CEP112: variants seen among roughly 807,000 people sequenced by gnomAD.
CEP112 encodes centrosomal protein of 112 kDa.
Under a neutral mutation model 153.0 loss-of-function variants are expected in CEP112, and 127 were observed. The ratio of observed to expected loss-of-function variants is 0.83; its 90% CI spans 0.72 to 0.96. The LOEUF (loss-of-function observed/expected upper bound fraction) is 0.96, where lower values mean the gene tolerates loss of function less well. Among genes scored for constraint, CEP112 ranks in the 40% least tolerant of loss-of-function variants. The pLI is 0.00. For synonymous variants in CEP112, 358 were observed against 374.4 expected (o/e 0.96, Z 0.51); for missense variants, 1,089 against 1,101.2 (o/e 0.99, Z 0.16).
intron 24 of CEP112, among the ~76,000 whole-genome samples, chr17:65,682,262 G>C (rs1300014825): frequency 6.6e-6 from 1 of 152,092 alleles, no homozygotes; most frequent in Non-Finnish European, 1.5e-5. Context: ...AAAGTGTTGG[G>C]ATTACAGGCA....
At chr17:66,163,010 A>T (rs2071778920) in intron 4 of CEP112, among the ~76,000 whole-genome samples, 1 of 152,178 alleles carries the variant, frequency 6.6e-6, no homozygotes, top group African/African-American at 2.4e-5. Context: ...AAAATAATAT[A>T]TACAGTATGA....
chr17:65,663,440 T>G (rs558227201), intron 24 of CEP112, among the ~76,000 whole-genome samples: 154 of 152,304 alleles, frequency 1.0e-3, no homozygotes, highest in Non-Finnish European at 1.4e-3. Flanking sequence ...CAACTTAGTT[T>G]GTGGATCACA....
At chr17:66,089,099 C>T (rs1013261818) in intron 8 of CEP112, among the ~76,000 whole-genome samples, 1 of 152,186 alleles carries the variant, frequency 6.6e-6, no homozygotes, top group Non-Finnish European at 1.5e-5. Context: ...ACCAGGCCCA[C>T]CCACTTTCTG....
rs530165496 is a variant in CEP112, at chr17:65,653,800, C to T, written c.2698-12735G>A. Among the ~76,000 whole-genome samples the T allele has an allele frequency of 3.1e-4, 47 of 152,104 alleles. No individual in the cohort carries two copies. The South Asian group carries it at 8.7e-3, about 28-fold the overall frequency. On this transcript the variant is annotated intron_variant, in intron 24 of 26. Transcript: ENST00000535342. ...ATGAGGGCTGGGCACGTGGCTCATG[C>T]CTGTAATCCCAGCACTTTGGGAGCC...
At chr17:65,791,164 G>A (rs1380095851) in intron 21 of CEP112, among the ~76,000 whole-genome samples, 6 of 152,214 alleles carry the variant, frequency 3.9e-5, no homozygotes, top group Non-Finnish European at 7.4e-5. Flanking sequence ...TCAATAAAAG[G>A]ATGACAGTAG....
At chr17:65,926,512 A>T (rs1263124236) in intron 19 of CEP112, among the ~76,000 whole-genome samples, 1 of 152,128 alleles carries the variant, frequency 6.6e-6, no homozygotes, top group African/African-American at 2.4e-5. Context: ...CAGGAGTTCA[A>T]AACCAGCCTG....
chr17:66,134,364 T>C (rs2070341652), intron 4 of CEP112, among the ~76,000 whole-genome samples: 1 of 152,152 alleles, frequency 6.6e-6, no homozygotes. Context: ...CTCTAACTTG[T>C]CATATATTTT....
chr17:65,791,093 T>C (rs1426967268), intron 21 of CEP112, among the ~76,000 whole-genome samples: 1 of 152,140 alleles, frequency 6.6e-6, no homozygotes, highest in East Asian at 1.9e-4. Context: ...TTAAGTCTAA[T>C]GTCAGACTGA....
chr17:65,792,661 C>A (rs2054658434), intron 21 of CEP112, among the ~76,000 whole-genome samples: 1 of 151,880 alleles, frequency 6.6e-6, no homozygotes, highest in African/African-American at 2.4e-5. Context: ...GTATAGAGAA[C>A]CATCAGAATT....
chr17:66,076,192 G>A (rs1294421307), intron 8 of CEP112, among the ~76,000 whole-genome samples: 3 of 152,082 alleles, frequency 2.0e-5, no homozygotes, highest in South Asian at 2.1e-4. Context: ...TGAACTGGGC[G>A]AGAAGGCTCT....
At position 66,034,895 on chromosome 17, in the gene CEP112, C is replaced by T. The variant is rs1369905833; in HGVS notation, c.1219-4872G>A. 2.0e-5 allele frequency among the ~76,000 whole-genome samples: 3 copies of T among 149,702 alleles called. 1 individual carries two copies. The South Asian group carries it at 6.4e-4, about 32-fold the overall frequency. The stretch of plus-strand genomic sequence containing the variant: ...CAATCTCGACTCACCGCAACCCCTG[C>T]CTCCCAAGTCCTAATGCTTCAGTCT... On this transcript the variant is annotated intron_variant, in intron 12 of 26. Transcript: ENST00000535342.
chr17:65,707,628 T>TA (rs1349144660), intron 23 of CEP112, among the ~76,000 whole-genome samples: 1 of 152,212 alleles, frequency 6.6e-6, no homozygotes, highest in Non-Finnish European at 1.5e-5. Flanking sequence ...CTCTGAACCT[T>TA]ACAAATTCAT....
intron 10 of CEP112, among the ~76,000 whole-genome samples, chr17:66,063,568 G>T (rs145373248): frequency 6.6e-6 from 1 of 152,066 alleles, no homozygotes; most frequent in East Asian, 1.9e-4. Context: ...TGGGTGATGG[G>T]TACACCAAAG....
At chr17:65,768,433 T>C (rs1483090017) in intron 21 of CEP112, among the ~76,000 whole-genome samples, 4 of 152,018 alleles carry the variant, frequency 2.6e-5, no homozygotes, top group Non-Finnish European at 5.9e-5. Context: ...CCTGTGTCGT[T>C]CAAGGGTCAA....
chr17:66,002,214 A>C (rs36086365), intron 17 of CEP112, among the ~76,000 whole-genome samples: 62,027 of 151,570 alleles, frequency 0.41, 14,079 homozygotes, highest in East Asian at 0.87. Context: ...TGGAGAGAGT[A>C]TAAATATCAA....
intron 24 of CEP112, among the ~76,000 whole-genome samples, chr17:65,667,558 T>TACAC (rs71361241): frequency 0.072 from 10,806 of 149,200 alleles, 792 homozygotes; most frequent in East Asian, 0.33. Context: ...TTTGTACTCT[T>TACAC]ACACACACAC....
At chr17:65,835,194 A>AG (rs2057253930) in intron 21 of CEP112, among the ~76,000 whole-genome samples, 1 of 12,978 alleles carries the variant, frequency 7.7e-5, no homozygotes, top group African/African-American at 1.7e-4. Flanking sequence ...AAATAAAAGT[A>AG]AAAAAAAAAA....
intron 23 of CEP112, among the ~76,000 whole-genome samples, chr17:65,707,552 T>C (rs532949295): frequency 6.6e-6 from 1 of 152,348 alleles, no homozygotes; most frequent in South Asian, 2.1e-4. Flanking sequence ...GGCTTCCACA[T>C]GCCTCTCAGG....
intron 21 of CEP112, among the ~76,000 whole-genome samples, chr17:65,793,897 C>T (rs1183697834): frequency 6.6e-6 from 1 of 152,202 alleles, no homozygotes; most frequent in African/African-American, 2.4e-5. Context: ...TATCTTATTT[C>T]TCTGTGAGTG....
Sources: gnomAD v4.1 joint callset for allele counts (sites outside exome capture counted in the v4.1 genomes callset) on GRCh38, gnomAD v4.1.1 for gene constraint, MANE v1.5 for transcripts, NCBI Gene and HGNC (gene_info 2026-07-23, HGNC 2026-07-21) for gene names.